DENND6A: variants seen among roughly 807,000 people sequenced by gnomAD.
DENND6A encodes the protein DENN domain containing 6A.
A neutral mutation model predicts 95.5 loss-of-function variants in DENND6A; 43 were observed. That is an observed-to-expected ratio of 0.45 (90% CI 0.35 to 0.58). The LOEUF is 0.58. Ranked by LOEUF, DENND6A falls within the 20% of genes least tolerant of loss-of-function variation. The pLI is 0.00. For synonymous variants in DENND6A, 257 were observed against 260.4 expected (o/e 0.99, Z 0.13); for missense variants, 574 against 736.0 (o/e 0.78, Z 2.55).
At chr3:57,663,891 TGA>T (rs2071480011) in intron 4 of DENND6A, among the ~76,000 whole-genome samples, 175 bp from the exon 5 acceptor site, 1 of 152,132 alleles carries the variant, frequency 6.6e-6, no homozygotes, top group East Asian at 1.9e-4. Flanking sequence ...ACAATAATCA[TGA>T]CAGCAACAGC....
chr3:57,684,982 C>T (rs1309703747), intron 1 of DENND6A, among the ~76,000 whole-genome samples: 4 of 152,100 alleles, frequency 2.6e-5, no homozygotes, highest in Non-Finnish European at 5.9e-5. Context: ...GGCACAGTCT[C>T]GGCTCACTGC....
chr3:57,679,367 T>C (rs1209282103), intron 1 of DENND6A: 1 of 358,442 alleles, frequency 2.8e-6, no homozygotes, highest in Non-Finnish European at 3.9e-6. Flanking sequence ...TTTTTCATTG[T>C]TGTTGTTACT....
intron 1 of DENND6A, among the ~76,000 whole-genome samples, chr3:57,690,171 C>T (rs999288135): frequency 2.6e-5 from 4 of 151,468 alleles, no homozygotes; most frequent in Admixed American, 1.3e-4. Context: ...ATGGTGAAAC[C>T]CTGTCTCTAC....
intron 1 of DENND6A, among the ~76,000 whole-genome samples, chr3:57,672,869 G>C (rs1419237489): frequency 6.6e-6 from 1 of 151,800 alleles, no homozygotes; most frequent in Non-Finnish European, 1.5e-5. Context: ...TTCAGAAATA[G>C]TTCACAGATG....
At chr3:57,657,531 A>G in intron 9 of DENND6A, 149 bp downstream of exon 9, 2 of 526,656 alleles carry the variant, frequency 3.8e-6, no homozygotes, top group Non-Finnish European at 6.8e-6. Context: ...ACATGTACCC[A>G]GGGATGAACC....
At chr3:57,659,077 C>T (rs2071378524) in intron 8 of DENND6A, 41 bp downstream of exon 8, 1 of 1,595,638 alleles carries the variant, frequency 6.3e-7, no homozygotes, top group South Asian at 1.1e-5. Context: ...GTTAAAGAGA[C>T]TATATATGTG....
At chr3:57,660,471 A>C (rs1425164318) in intron 7 of DENND6A, among the ~76,000 whole-genome samples, 2 of 152,126 alleles carry the variant, frequency 1.3e-5, no homozygotes, top group African/African-American at 2.4e-5. Context: ...CACAGGTGTG[A>C]GCCACCACGC....
chr3:57,673,339 T>C (rs905200965), intron 1 of DENND6A, among the ~76,000 whole-genome samples: 1 of 151,714 alleles, frequency 6.6e-6, no homozygotes, highest in Non-Finnish European at 1.5e-5. Flanking sequence ...TATCACATGT[T>C]CTCACTCATA....
chr3:57,654,703 A>C (rs1057497645), intron 9 of DENND6A: 16 of 985,008 alleles, frequency 1.6e-5, no homozygotes, highest in Non-Finnish European at 1.8e-5. Context: ...CTGAAACCAA[A>C]GGCGTGGTCC....
At chr3:57,679,543 G>A (rs1486961634) in intron 1 of DENND6A, 1 of 985,330 alleles carries the variant, frequency 1.0e-6, no homozygotes, top group African/African-American at 1.7e-5. Context: ...CTCTTAAGAG[G>A]CAGTGGGGAA....
chr3:57,688,607 G>A (rs553250985), intron 1 of DENND6A, among the ~76,000 whole-genome samples: 2 of 151,984 alleles, frequency 1.3e-5, no homozygotes, highest in African/African-American at 2.4e-5. Context: ...GAGTAACGGG[G>A]GAGCAGAAAC....
chr3:57,641,791 G>T, intron 11 of DENND6A, 44 bp from the exon 12 acceptor site: 2 of 1,506,136 alleles, frequency 1.3e-6, no homozygotes, highest in Non-Finnish European at 9.2e-7. Context: ...GTGAGAAAAA[G>T]ATGAATGCTA....
chr3:57,663,745 G>T, intron 4 of DENND6A, 29 bp from the exon 5 acceptor site: 1 of 1,377,186 alleles, frequency 7.3e-7, no homozygotes, highest in Non-Finnish European at 1.0e-6. Context: ...GTAAGTGTGT[G>T]TGGGGGGGTA....
chr3:57,630,649 T>C (rs1430640950), intron 17 of DENND6A, 66 bp downstream of exon 17: 2 of 1,556,460 alleles, frequency 1.3e-6, no homozygotes, highest in East Asian at 2.2e-5. Flanking sequence ...AGCTTAAGTT[T>C]AGCTTTTTGT....
chr3:57,643,556 G>A (rs757494568), intron 11 of DENND6A, among the ~76,000 whole-genome samples: 1 of 152,096 alleles, frequency 6.6e-6, no homozygotes, highest in Non-Finnish European at 1.5e-5. Context: ...GGCCAGGCAC[G>A]GTGGCTCACG....
At chr3:57,639,581 G>C (rs1044648300) in intron 12 of DENND6A, among the ~76,000 whole-genome samples, 2 of 152,126 alleles carry the variant, frequency 1.3e-5, no homozygotes, top group Non-Finnish European at 2.9e-5. Flanking sequence ...CAAGACTCTA[G>C]CAACTGTTGT....
At chr3:57,636,114 T>G (rs1037682114) in intron 12 of DENND6A, among the ~76,000 whole-genome samples, 3 of 152,158 alleles carry the variant, frequency 2.0e-5, no homozygotes, top group African/African-American at 7.2e-5. Context: ...TGATCAACAG[T>G]AGGCTGTTAG....
intron 11 of DENND6A, among the ~76,000 whole-genome samples, chr3:57,642,588 T>A (rs139266897): frequency 1.1e-4 from 17 of 152,196 alleles, no homozygotes; most frequent in Middle Eastern, 3.4e-3. Context: ...AATGAGAATA[T>A]TGTTGCCCGA....
chr3:57,656,498 C>G (rs909930588), intron 9 of DENND6A, among the ~76,000 whole-genome samples: 16 of 152,088 alleles, frequency 1.1e-4, no homozygotes, highest in African/African-American at 3.9e-4. Context: ...CATTTGCATA[C>G]AGGTCTTCAT....
Sources: allele counts gnomAD v4.1 joint callset (sites outside exome capture counted in the v4.1 genomes callset), GRCh38; gene constraint gnomAD v4.1.1; transcripts MANE v1.5; gene names NCBI Gene and HGNC (gene_info 2026-07-23, HGNC 2026-07-21).